ARHGEF26: variants seen among roughly 807,000 people sequenced by gnomAD.
ARHGEF26 encodes Rho guanine nucleotide exchange factor 26.
In ARHGEF26, 59 loss-of-function variants were observed where a neutral mutation model predicts 89.4. The observed-to-expected ratio is 0.66, with a 90% CI of 0.54 to 0.82. The LOEUF (loss-of-function observed/expected upper bound fraction) is 0.82, where lower values mean the gene tolerates loss of function less well. ARHGEF26 is among the 40% of genes least tolerant of loss of function. The pLI, the probability that ARHGEF26 is intolerant of heterozygous loss-of-function variation, is 0.00. For missense variants in ARHGEF26, 1,234 were observed against 1,085.6 expected (o/e 1.14, Z -1.92); for synonymous variants, 500 against 428.4 (o/e 1.17, Z -2.06).
intron 11 of ARHGEF26, among the ~76,000 whole-genome samples, chr3:154,230,158 T>G (rs781453389): frequency 6.6e-6 from 1 of 152,180 alleles, no homozygotes; most frequent in Non-Finnish European, 1.5e-5. Context: ...AAAATTTTCC[T>G]TCCTGTATTT....
chr3:154,153,214 C>T (rs368625492), intron 6 of ARHGEF26, among the ~76,000 whole-genome samples: 2 of 151,936 alleles, frequency 1.3e-5, no homozygotes, highest in Non-Finnish European at 2.9e-5. Context: ...AAAGTGTCTT[C>T]GTTTGGTGCT....
At chr3:154,214,564 T>C (rs1009126068) in intron 9 of ARHGEF26, among the ~76,000 whole-genome samples, 3 of 152,106 alleles carry the variant, frequency 2.0e-5, no homozygotes, top group African/African-American at 7.2e-5. Context: ...AAGAGCGTGA[T>C]GAAGGAGATG....
At chr3:154,188,623 C>T (rs544178982) in intron 7 of ARHGEF26, among the ~76,000 whole-genome samples, 12 of 152,268 alleles carry the variant, frequency 7.9e-5, no homozygotes, top group East Asian at 1.9e-4. Context: ...TGGCTGTTAT[C>T]GTTCTCACCC....
chr3:154,256,503 G>T lies in ARHGEF26; in HGVS notation c.*1030G>T. Reference sequence around the variant, plus strand: ...GATCCTCGGCCTCCCCAAGTGCTGGGATTATAGGCATGAGCCACCGTGCCC... The same window carrying T: ...GATCCTCGGCCTCCCCAAGTGCTGGTATTATAGGCATGAGCCACCGTGCCC... On this transcript the variant is annotated 3_prime_UTR_variant, in exon 15 of 15. Coordinates refer to ENST00000465093, the MANE Select transcript of ARHGEF26 (RefSeq NM_015595.4). The T allele has an allele frequency of 1.1e-6, 1 of 935,804 alleles. No individual in the cohort carries two copies. The highest frequency in any genetic ancestry group is 1.3e-6 in the Non-Finnish European group (1 of 795,910). The allele number at this position is 935,804 out of a possible 1,614,324, so 58.0% of individuals were successfully genotyped here. A position where few individuals can be genotyped will look rare whatever the true frequency, so the allele number is the denominator to read the frequency against.
At chr3:154,225,342 CAAA>C (rs749505378) in intron 10 of ARHGEF26, among the ~76,000 whole-genome samples, 5 of 151,738 alleles carry the variant, frequency 3.3e-5, no homozygotes, top group Non-Finnish European at 7.4e-5. Flanking sequence ...AATTTGTAGA[CAAA>C]AAAATAAGCA....
At chr3:154,207,492 T>TA (rs979325301) in intron 9 of ARHGEF26, among the ~76,000 whole-genome samples, 34 of 150,064 alleles carry the variant, frequency 2.3e-4, no homozygotes, top group South Asian at 6.3e-4. Context: ...AACAAACATA[T>TA]AAAAAAAAAG....
At chr3:154,219,692 A>G (rs1173182647) in intron 10 of ARHGEF26, among the ~76,000 whole-genome samples, 2 of 151,980 alleles carry the variant, frequency 1.3e-5, no homozygotes, top group East Asian at 3.9e-4. Flanking sequence ...GTAAGTGATT[A>G]ACTGAGGTCA....
intron 11 of ARHGEF26, among the ~76,000 whole-genome samples, chr3:154,231,021 T>C (rs935407775): frequency 6.6e-6 from 1 of 152,162 alleles, no homozygotes; most frequent in African/African-American, 2.4e-5. Flanking sequence ...GAAAATCACC[T>C]GATACCTGTT....
At chr3:154,192,209 A>G (rs748807950) in intron 8 of ARHGEF26, among the ~76,000 whole-genome samples, 3 of 152,232 alleles carry the variant, frequency 2.0e-5, no homozygotes, top group Admixed American at 6.5e-5. Flanking sequence ...TGATTTTCCT[A>G]CTTTAAAATT....
At chr3:154,239,257 A>AGG (rs761416650) in intron 11 of ARHGEF26, among the ~76,000 whole-genome samples, 45 of 63,742 alleles carry the variant, frequency 7.1e-4, no homozygotes, top group East Asian at 2.2e-3. Flanking sequence ...ACCGAGAGAG[A>AGG]GAGGGAGAGA....
At chr3:154,141,014 T>C (rs572070536) in intron 4 of ARHGEF26, among the ~76,000 whole-genome samples, 29 of 151,688 alleles carry the variant, frequency 1.9e-4, no homozygotes, top group African/African-American at 6.3e-4. Flanking sequence ...CAGGCTGGAG[T>C]GCAGTGGCAC....
At chr3:154,182,681 G>A (rs1035452310) in intron 6 of ARHGEF26, among the ~76,000 whole-genome samples, 6 of 152,166 alleles carry the variant, frequency 3.9e-5, no homozygotes, top group African/African-American at 1.4e-4. Flanking sequence ...CTTAGTTGAG[G>A]GTTGGCCAGT....
chr3:154,164,118 C>CT (rs1429438389), intron 6 of ARHGEF26, among the ~76,000 whole-genome samples: 2 of 151,892 alleles, frequency 1.3e-5, no homozygotes, highest in South Asian at 2.1e-4. Context: ...TTTTGCAAGT[C>CT]TTTTTTTAGG....
At chr3:154,230,991 C>G (rs868017215) in intron 11 of ARHGEF26, among the ~76,000 whole-genome samples, 9 of 152,198 alleles carry the variant, frequency 5.9e-5, no homozygotes, top group Middle Eastern at 6.8e-3. Flanking sequence ...TGAGAATGCT[C>G]TTTCCTATTA....
At chr3:154,227,403 C>T (rs1305912893) in intron 11 of ARHGEF26, among the ~76,000 whole-genome samples, 2 of 150,544 alleles carry the variant, frequency 1.3e-5, no homozygotes, top group Non-Finnish European at 2.9e-5. Flanking sequence ...TCACGCCATT[C>T]TCCTGCCTCA....
intron 7 of ARHGEF26, 74 bp from the exon 8 acceptor site, chr3:154,191,215 T>G (rs865996781): frequency 6.9e-7 from 1 of 1,459,750 alleles, no homozygotes; most frequent in Middle Eastern, 1.9e-4. Flanking sequence ...CAGTATTTTG[T>G]AATACATTTT....
At chr3:154,239,317 T>A (rs1238380923) in intron 11 of ARHGEF26, among the ~76,000 whole-genome samples, 6 of 147,466 alleles carry the variant, frequency 4.1e-5, no homozygotes, top group African/African-American at 1.3e-4. Context: ...TGTGTGTGTG[T>A]GTGTGTGTGT....
At position 154,179,415 on chromosome 3, in the gene ARHGEF26, G is replaced by T. The variant is rs1459792549; in HGVS notation, c.1488-8270G>T. ...CTTGCTTTTTAGAGTATCTTTCAGA[G>T]AATCTGCTGGAAAGGAAGGTGGTTT... On this transcript the variant is annotated intron_variant, in intron 6 of 14. Coordinates refer to ENST00000465093, the MANE Select transcript of ARHGEF26 (RefSeq NM_015595.4). 2.6e-5 allele frequency among the ~76,000 whole-genome samples: 4 copies of T among 152,166 alleles called. 1 individual carries two copies. Among genetic ancestry groups the T allele is most frequent in the African/African-American group, 7.2e-5 (3 of 41,428 alleles).
At chr3:154,226,581 A>G (rs1427019424) in intron 11 of ARHGEF26, among the ~76,000 whole-genome samples, 1 of 151,958 alleles carries the variant, frequency 6.6e-6, no homozygotes. Flanking sequence ...GTTTGTGTCC[A>G]GCTCTGGTGA....
Sources: gnomAD v4.1 joint callset for allele counts (sites outside exome capture counted in the v4.1 genomes callset) on GRCh38, gnomAD v4.1.1 for gene constraint, MANE v1.5 for transcripts, NCBI Gene and HGNC (gene_info 2026-07-23, HGNC 2026-07-21) for gene names.